The following CARD8 variants were observed in gnomAD, a reference collection of about 807,000 sequenced individuals.
The protein encoded by CARD8 is caspase recruitment domain-containing protein 8.
In CARD8, 38 loss-of-function variants were observed where a neutral mutation model predicts 53.2. That is an observed-to-expected ratio of 0.71 (90% CI 0.55 to 0.94). The LOEUF (loss-of-function observed/expected upper bound fraction) is 0.94, where lower values mean the gene tolerates loss of function less well. CARD8 is among the 40% of genes least tolerant of loss of function. CARD8 has a pLI of 0.00. For missense variants in CARD8, 561 were observed against 655.5 expected (o/e 0.86, Z 1.57); for synonymous variants, 245 against 244.9 (o/e 1.00, Z 0.00).
chr19:48,219,947 G>T (rs1415936800), intron 11 of CARD8, among the ~76,000 whole-genome samples: 1 of 152,126 alleles, frequency 6.6e-6, no homozygotes, highest in Non-Finnish European at 1.5e-5. Flanking sequence ...CTCCAGCCTG[G>T]GCGACAGAGT....
chr19:48,248,040 T>G (rs1158348122), intron 3 of CARD8, among the ~76,000 whole-genome samples: 2 of 152,206 alleles, frequency 1.3e-5, no homozygotes, highest in African/African-American at 4.8e-5. Flanking sequence ...ATCAAATTAT[T>G]TCATGAAAAC....
rs115893513 is a variant in CARD8 at position 48,225,484 on chromosome 19, C to T, written c.1036-3629G>A. Among the ~76,000 whole-genome samples the T allele has an allele frequency of 4.8e-3, 731 of 152,106 alleles. 5 individuals carry two copies. The highest frequency in any genetic ancestry group is 0.017 in the African/African-American group (688 of 41,488). ...CCAGCCTGGGCGACAGGGCAAGACC[C>T]CTTCTCAAAAATAAATAAATAAAGG... On this transcript the variant is annotated intron_variant, in intron 10 of 13. Transcript: ENST00000651546.
At chr19:48,203,914 G>C (rs1251448507), downstream of CARD8, 3 of 275,950 alleles carry the variant, frequency 1.1e-5, no homozygotes, top group South Asian at 5.7e-5. Flanking sequence ...ACTCCCAGCC[G>C]GCTGAGCGCC....
rs564491556 is a variant in CARD8 at position 48,211,668 on chromosome 19, G to A, written c.*42C>T. 2 of 1,578,472 alleles carry A rather than the reference G, an allele frequency of 1.3e-6. No individual in the cohort carries two copies. Among genetic ancestry groups the A allele is most frequent in the South Asian group, 1.1e-5 (1 of 87,910 alleles). On this transcript the variant is annotated 3_prime_UTR_variant, in exon 14 of 14. Coordinates refer to ENST00000651546, the MANE Select transcript of CARD8 (RefSeq NM_001184900.3). ...ATTTCTGTTTATCCATTTCCAATGA[G>A]AACGCTGGATTCTCTCTTCCAGACT...
rs2044934304 is a variant in CARD8 at position 48,241,054 on chromosome 19, CT to C, written c.-35del. On this transcript the variant is annotated 5_prime_UTR_variant, in exon 4 of 14. The change abolishes the stop of an existing upstream ORF in the 5' untranslated region. Coordinates refer to ENST00000651546, the MANE Select transcript of CARD8 (RefSeq NM_001184900.3). ...TGTGGTATTTATGTCTTTACTGTATCTTTTTTACCCTGAAAAAATAAAAGGA... is the reference window on the plus strand; with the variant it reads ...TGTGGTATTTATGTCTTTACTGTATCTTTTTACCCTGAAAAAATAAAAGGA... 6.7e-6 allele frequency: 10 copies of C among 1,483,956 alleles called. No homozygotes were observed. The highest frequency in any genetic ancestry group is 1.7e-4 in the Middle Eastern group (1 of 5,900). 91.9% of individuals were successfully genotyped at this position (1,483,956 alleles called of 1,614,324 possible). A position where few individuals can be genotyped will look rare whatever the true frequency, so the allele number is the denominator to read the frequency against.
At chr19:48,252,889 C>T (rs1318088684) in intron 1 of CARD8, among the ~76,000 whole-genome samples, 1 of 151,606 alleles carries the variant, frequency 6.6e-6, no homozygotes. Flanking sequence ...ACTGTATCTG[C>T]TTGTTTTTGC....
intron 10 of CARD8, among the ~76,000 whole-genome samples, chr19:48,224,954 C>T (rs953502632): frequency 5.3e-5 from 8 of 151,596 alleles, no homozygotes. Context: ...GGGGTTTCAC[C>T]GTGTTAGCCA....
intron 12 of CARD8, among the ~76,000 whole-genome samples, chr19:48,217,132 C>T (rs10409908): frequency 0.33 from 49,392 of 151,762 alleles, 8,230 homozygotes; most frequent in East Asian, 0.52. Flanking sequence ...AGAGCGCAGG[C>T]GGTAATGCAA....
At chr19:48,252,384 G>A (rs1683737337) in intron 1 of CARD8, among the ~76,000 whole-genome samples, 1 of 151,256 alleles carries the variant, frequency 6.6e-6, no homozygotes, top group Admixed American at 6.6e-5. Context: ...TGACATTTTG[G>A]GTAAAACGTA....
downstream of CARD8, among the ~76,000 whole-genome samples, chr19:48,204,608 T>C (rs1246645116): frequency 6.6e-6 from 1 of 152,040 alleles, no homozygotes; most frequent in Non-Finnish European, 1.5e-5. Flanking sequence ...CCAGGCACAG[T>C]TGACAGTACT....
chr19:48,211,550 AGGTACATG>A lies in CARD8; in HGVS notation c.*152_*159del. On this transcript the variant is annotated 3_prime_UTR_variant, in exon 14 of 14. Coordinates refer to ENST00000651546, the MANE Select transcript of CARD8 (RefSeq NM_001184900.3). Reference sequence around the variant, plus strand: ...GAAAATGCATGAGGATACAGTCAATAGGTACATGCCAGGTTACAAGTCTGTCCTGAAAG... The same window carrying A: ...GAAAATGCATGAGGATACAGTCAATACCAGGTTACAAGTCTGTCCTGAAAG... 1 of 652,552 alleles carries A rather than the reference AGGTACATG, an allele frequency of 1.5e-6. No individual in the cohort carries two copies. Among genetic ancestry groups the A allele is most frequent in the African/African-American group, 1.8e-5 (1 of 55,354 alleles). 40.4% of individuals were successfully genotyped at this position (652,552 alleles called of 1,614,324 possible).
At chr19:48,230,014 G>A (rs2042538394) in intron 10 of CARD8, among the ~76,000 whole-genome samples, 1 of 152,172 alleles carries the variant, frequency 6.6e-6, no homozygotes, top group African/African-American at 2.4e-5. Context: ...TCAAGAGGCT[G>A]AGGCAGGAGA....
At chr19:48,218,231 G>T (rs1008018842) in intron 12 of CARD8, among the ~76,000 whole-genome samples, 1 of 151,470 alleles carries the variant, frequency 6.6e-6, no homozygotes, top group African/African-American at 2.4e-5. Flanking sequence ...TTAAGTTCTG[G>T]GATACATGTG....
Position 48,238,424 on chromosome 19 carries a change from A to G in CARD8, c.168T>C (p.Thr56=). ...NSIRELQYTK[T]GIFFQAEACV... ...AGGCCTCAGCCTGAAAAAAAATTCC[A>G]GTTTTTGTGTATTGCAGTTCCCGTA... The change falls in exon 5 of 14, where the codon ACT becomes ACC. Residue 56 remains threonine (T), a synonymous_variant. Transcript: ENST00000651546. 1 of 1,536,062 alleles carries G rather than the reference A, an allele frequency of 6.5e-7. No homozygotes were observed. The highest frequency in any genetic ancestry group is 8.7e-7 in the Non-Finnish European group (1 of 1,146,798).
chr19:48,222,790 G>C (rs1030158138), intron 10 of CARD8, among the ~76,000 whole-genome samples: 1 of 152,054 alleles, frequency 6.6e-6, no homozygotes, highest in Non-Finnish European at 1.5e-5. Context: ...CAACTCAATA[G>C]AGACTTTGTA....
intron 11 of CARD8, among the ~76,000 whole-genome samples, chr19:48,220,130 A>C (rs532344684): frequency 6.6e-6 from 1 of 152,330 alleles, no homozygotes; most frequent in South Asian, 2.1e-4. Flanking sequence ...TCTTGCCTGA[A>C]GGACAACCAA....
At chr19:48,205,180 G>C (rs2037297731), downstream of CARD8, among the ~76,000 whole-genome samples, 1 of 152,186 alleles carries the variant, frequency 6.6e-6, no homozygotes, top group African/African-American at 2.4e-5. Flanking sequence ...ACTATGCTAA[G>C]TACTCTTATT....
In CARD8 at chr19:48,232,562, C is replaced by T. The variant is rs1020547698; in HGVS notation, c.351-69G>A. The stretch of plus-strand genomic sequence containing the variant: ...AAGAATCAGTTGATGAAGATGAAGA[C>T]GATGTTATTGAAAACTAGAGCTGCA... On this transcript the variant is annotated intron_variant, in intron 6 of 13. Transcript: ENST00000651546. 64 of 1,360,458 alleles carry T rather than the reference C, an allele frequency of 4.7e-5. No individual in the cohort carries two copies. In the African/African-American group the frequency reaches 7.3e-4, roughly 16 times the overall value. The allele number at this position is 1,360,458 out of a possible 1,614,324, so 84.3% of individuals were successfully genotyped here.
At chr19:48,244,978 T>C (rs1236269775) in intron 3 of CARD8, among the ~76,000 whole-genome samples, 3 of 152,230 alleles carry the variant, frequency 2.0e-5, no homozygotes, top group Non-Finnish European at 2.9e-5. Context: ...TTGTGCTTCA[T>C]GTGGACACTA....
Sources: gnomAD v4.1 joint callset for allele counts (sites outside exome capture counted in the v4.1 genomes callset) on GRCh38, gnomAD v4.1.1 for gene constraint, MANE v1.5 for transcripts, NCBI Gene and HGNC (gene_info 2026-07-23, HGNC 2026-07-21) for gene names.